CDH4: variants seen among roughly 807,000 people sequenced by gnomAD.
The protein encoded by CDH4 is cadherin-4.
CDH4 carries 33 observed loss-of-function variants against 86.0 expected under a neutral mutation model. The observed-to-expected ratio is 0.38, with a 90% CI of 0.29 to 0.51. The LOEUF (loss-of-function observed/expected upper bound fraction) is 0.51, where lower values mean the gene tolerates loss of function less well. Ranked by LOEUF, CDH4 falls within the 20% of genes least tolerant of loss-of-function variation. The probability of loss-of-function intolerance (pLI) is 0.86; values close to 1 mark genes in which losing one functional copy is unlikely to be tolerated. For synonymous variants in CDH4, 555 were observed against 549.4 expected (o/e 1.01, Z -0.14); for missense variants, 1,114 against 1,307.4 (o/e 0.85, Z 2.28).
At chr20:61,913,259 A>G (rs887928447) in intron 9 of CDH4, among the ~76,000 whole-genome samples, 4 of 152,180 alleles carry the variant, frequency 2.6e-5, no homozygotes, top group Admixed American at 2.0e-4. Context: ...GCCGGTACCA[A>G]GGAAGAAGGC....
At chr20:61,320,382 G>C (rs2084501508) in intron 2 of CDH4, among the ~76,000 whole-genome samples, 1 of 152,152 alleles carries the variant, frequency 6.6e-6, no homozygotes, top group Admixed American at 6.5e-5. Context: ...CTCACAGCCT[G>C]GTGGGCAAGA....
intron 8 of CDH4, among the ~76,000 whole-genome samples, chr20:61,904,760 G>A (rs1443920413): frequency 6.6e-6 from 1 of 152,252 alleles, no homozygotes; most frequent in African/African-American, 2.4e-5. Flanking sequence ...TGTGGCAGAT[G>A]CGGGACTTCT....
rs1177527540 is a variant in CDH4, at chr20:61,709,731, G to A, written c.170-33832G>A. On this transcript the variant is annotated intron_variant, in intron 2 of 15. Transcript: ENST00000614565. The surrounding 1 kb of genome is among the most constrained non-coding windows in gnomAD (Gnocchi z 4.8). Reference sequence around the variant, plus strand: ...TGGTGATGCTCCACTCTACACACTTGCCACGTCCCCTGGTCCTCACGAAGC... The same window carrying A: ...TGGTGATGCTCCACTCTACACACTTACCACGTCCCCTGGTCCTCACGAAGC... Among the ~76,000 whole-genome samples, 2 of 152,132 alleles carry A rather than the reference G, an allele frequency of 1.3e-5. No individual in the cohort carries two copies. The highest frequency in any genetic ancestry group is 2.9e-5 in the Non-Finnish European group (2 of 68,036).
rs1202447956 is a variant in CDH4, at chr20:61,770,492, C to T, written c.397-2511C>T. ...TGCCATGCCATGTGGGCACCCTGCA[C>T]TGGCCCCGATGTGGCAGACGCATGG... On this transcript the variant is annotated intron_variant, in intron 3 of 15. Transcript: ENST00000614565. 5.9e-5 allele frequency among the ~76,000 whole-genome samples: 9 copies of T among 152,394 alleles called. No homozygotes were observed. In the East Asian group the frequency reaches 1.3e-3, roughly 23 times the overall value.
At chr20:61,313,107 C>T (rs1012502247) in intron 2 of CDH4, among the ~76,000 whole-genome samples, 5 of 152,222 alleles carry the variant, frequency 3.3e-5, no homozygotes, top group Non-Finnish European at 7.3e-5. Context: ...CAGGCTGGCT[C>T]TGCTCCAACG....
intron 10 of CDH4, 113 bp from the exon 11 acceptor site, chr20:61,924,221 C>A: frequency 9.2e-7 from 1 of 1,091,008 alleles, no homozygotes; most frequent in Non-Finnish European, 1.3e-6. Context: ...TCCAAGGAGA[C>A]AGAGACACTG....
intron 2 of CDH4, among the ~76,000 whole-genome samples, chr20:61,474,265 A>G (rs560816166): frequency 7.2e-6 from 1 of 138,284 alleles, no homozygotes; most frequent in Admixed American, 8.2e-5. Context: ...GGTTCAAGCA[A>G]TTTCCCTGCC....
chr20:61,565,188 T>TGGTGGTGGTGG (rs1568688293), intron 2 of CDH4, among the ~76,000 whole-genome samples: 8 of 67,000 alleles, frequency 1.2e-4, no homozygotes, highest in African/African-American at 4.6e-4. Context: ...GTGGTGGTGG[T>TGGTGGTGGTGG]CCTCTTGGTG....
In CDH4 at chr20:61,383,279, ATGATATATATGAATATATG is replaced by A. The variant is rs1568822393; in HGVS notation, c.169+128399_169+128417del. On this transcript the variant is annotated intron_variant, in intron 2 of 15. Coordinates refer to ENST00000614565, the MANE Select transcript of CDH4 (RefSeq NM_001794.5). ...GAATATATGTGATATATATGAATAT[ATGATATATATGAATATATG>A]TGATATATATGAATATATGTGATAT... Among the ~76,000 whole-genome samples the A allele has an allele frequency of 8.6e-3, 936 of 108,492 alleles. 89 individuals are homozygous for A. Among genetic ancestry groups the A allele is most frequent in the African/African-American group, 0.026 (679 of 25,790 alleles). 71.2% of individuals were successfully genotyped at this position (108,492 alleles called of 152,430 possible).
intron 2 of CDH4, among the ~76,000 whole-genome samples, chr20:61,283,454 T>C (rs1429356593): frequency 7.2e-6 from 1 of 138,032 alleles, no homozygotes; most frequent in African/African-American, 2.8e-5. Context: ...GTGTGATGTG[T>C]GTGCGTTTGC....
chr20:61,438,627 A>T (rs1386791455), intron 2 of CDH4, among the ~76,000 whole-genome samples: 1 of 152,218 alleles, frequency 6.6e-6, no homozygotes, highest in Non-Finnish European at 1.5e-5. Flanking sequence ...GCATGTCAGA[A>T]CTTTATTTGA....
At chr20:61,319,634 A>C (rs1033037880) in intron 2 of CDH4, among the ~76,000 whole-genome samples, 4 of 152,098 alleles carry the variant, frequency 2.6e-5, no homozygotes, top group African/African-American at 9.7e-5. Flanking sequence ...AGGGATATAA[A>C]GTTTCAATTA....
chr20:61,646,030 C>G (rs966877019), intron 2 of CDH4, among the ~76,000 whole-genome samples: 6 of 152,180 alleles, frequency 3.9e-5, no homozygotes, highest in African/African-American at 1.4e-4. Context: ...GGGCCTGGCC[C>G]AGCCCCAGCA....
intron 2 of CDH4, among the ~76,000 whole-genome samples, chr20:61,344,855 G>A (rs1215422847): frequency 6.6e-6 from 1 of 152,178 alleles, no homozygotes; most frequent in Non-Finnish European, 1.5e-5. Flanking sequence ...ACCAAGCAAG[G>A]GTCGGAATCA....
At chr20:61,619,076 A>G (rs1041317757) in intron 2 of CDH4, among the ~76,000 whole-genome samples, 1 of 152,200 alleles carries the variant, frequency 6.6e-6, no homozygotes, top group African/African-American at 2.4e-5. Flanking sequence ...GAATAAAGAA[A>G]CAGGCCTGGC....
intron 2 of CDH4, among the ~76,000 whole-genome samples, chr20:61,304,831 C>G (rs1039198835): frequency 6.6e-6 from 1 of 150,480 alleles, no homozygotes; most frequent in Non-Finnish European, 1.5e-5. Context: ...ACAGTGTGTC[C>G]TTTGTGTTGC....
intron 2 of CDH4, among the ~76,000 whole-genome samples, chr20:61,333,194 T>C (rs1228648190): frequency 6.6e-6 from 1 of 152,152 alleles, no homozygotes; most frequent in African/African-American, 2.4e-5. Context: ...CAACTGCTTG[T>C]AATCACACAC....
chr20:61,456,208 T>C (rs1488223835), intron 2 of CDH4, among the ~76,000 whole-genome samples: 1 of 152,206 alleles, frequency 6.6e-6, no homozygotes, highest in Non-Finnish European at 1.5e-5. Flanking sequence ...AGGAACCTGC[T>C]GCCCAGCATT....
chr20:61,287,951 C>A (rs563766491), intron 2 of CDH4, among the ~76,000 whole-genome samples: 1 of 152,214 alleles, frequency 6.6e-6, no homozygotes, highest in Non-Finnish European at 1.5e-5. Flanking sequence ...TCCTTGCACC[C>A]CAGAGTGTGG....
Sources: allele counts gnomAD v4.1 joint callset (sites outside exome capture counted in the v4.1 genomes callset), GRCh38; gene constraint gnomAD v4.1.1; non-coding constraint Gnocchi (gnomAD v3.1); transcripts MANE v1.5; gene names NCBI Gene and HGNC (gene_info 2026-07-23, HGNC 2026-07-21).